SLC30A5: variants seen among roughly 807,000 people sequenced by gnomAD.
SLC30A5 encodes the protein solute carrier family 30 member 5, also known as proton-coupled zinc antiporter SLC30A5.
A neutral mutation model predicts 79.6 loss-of-function variants in SLC30A5; 33 were observed. That is an observed-to-expected ratio of 0.41 (90% confidence interval 0.31 to 0.55). The LOEUF is 0.55. Among genes scored for constraint, SLC30A5 ranks in the 20% least tolerant of loss-of-function variants. The probability of loss-of-function intolerance (pLI) is 0.20; values close to 1 mark genes in which losing one functional copy is unlikely to be tolerated. For missense variants in SLC30A5, 788 were observed against 928.1 expected, an observed-to-expected ratio of 0.85 and a Z score of 1.96; for synonymous variants, 299 against 319.7, an observed-to-expected ratio of 0.94 and a Z score of 0.69.
At chr5:69,107,833 A>T (rs1176743628) in intron 4 of SLC30A5, among the ~76,000 whole-genome samples, 1 of 151,900 alleles carries the variant, frequency 6.6e-6, no homozygotes, top group Non-Finnish European at 1.5e-5. Context: ...CCCGAGTTCA[A>T]GTGATTCTCC....
At position 69,115,952 on chromosome 5, in the gene SLC30A5, C is replaced by T; in HGVS notation, c.810C>T (p.Leu270=). The change falls in exon 9 of 16, where the codon CTC becomes CTT. Residue 270 remains leucine, a synonymous_variant. Transcript: ENST00000396591. The stretch of plus-strand genomic sequence containing the variant: ...GTAAAGTGGAGTCTTGGTTTTCTCT[C>T]ATTATGCCTTTTGCAACGGTTATCT... ...TESKVESWFS[L]IMPFATVIFF... 6.2e-7 allele frequency: 1 copy of T among 1,613,158 alleles called. No homozygotes were observed. The highest frequency in any genetic ancestry group is 8.5e-7 in the Non-Finnish European group (1 of 1,179,588).
rs1386982694 is a variant in SLC30A5, at chr5:69,094,217, C to A, written c.-39C>A. 9.1e-7 allele frequency: 1 copy of A among 1,098,470 alleles called. No homozygotes were observed. Among genetic ancestry groups the A allele is most frequent in the Non-Finnish European group, 1.2e-6 (1 of 848,986 alleles). The allele number at this position is 1,098,470 out of a possible 1,614,324, so 68.0% of individuals were successfully genotyped here. A position where few individuals can be genotyped will look rare whatever the true frequency, so the allele number is the denominator to read the frequency against. On this transcript the variant is annotated 5_prime_UTR_variant, in exon 1 of 16. Transcript: ENST00000396591. ...GGCAGCGGCGAGACATGAGGAGACC[C>A]CGCGACAGGGGCAGCGGCGGCGGCT...
intron 1 of SLC30A5, among the ~76,000 whole-genome samples, chr5:69,095,530 A>C (rs1745703692): frequency 6.6e-6 from 1 of 152,160 alleles, no homozygotes; most frequent in East Asian, 1.9e-4. Flanking sequence ...AAAGGGAAGA[A>C]CACCACATAG....
chr5:69,100,512 T>G (rs1038630832), intron 1 of SLC30A5, among the ~76,000 whole-genome samples: 3 of 151,662 alleles, frequency 2.0e-5, no homozygotes, highest in African/African-American at 7.3e-5. Flanking sequence ...GGCTCACACC[T>G]GTAATCCTAG....
At chr5:69,111,950 T>C (rs530212317) in intron 5 of SLC30A5, among the ~76,000 whole-genome samples, 5 of 152,316 alleles carry the variant, frequency 3.3e-5, no homozygotes, top group Non-Finnish European at 7.4e-5. Flanking sequence ...ATTCTACAAG[T>C]ATATGTATCA....
intron 12 of SLC30A5, 73 bp from the exon 13 acceptor site, chr5:69,121,621 A>G (rs1181884222): frequency 6.7e-6 from 7 of 1,040,204 alleles, no homozygotes; most frequent in Non-Finnish European, 9.7e-6. Context: ...ATATATAGCT[A>G]TATAATAACT....
intron 5 of SLC30A5, among the ~76,000 whole-genome samples, chr5:69,112,367 C>T (rs1265214724): frequency 6.6e-6 from 1 of 151,904 alleles, no homozygotes; most frequent in Non-Finnish European, 1.5e-5. Flanking sequence ...TTTACATAAA[C>T]CGAGCTAATA....
intron 7 of SLC30A5, 70 bp from the exon 8 acceptor site, chr5:69,115,167 A>G: frequency 2.7e-6 from 2 of 743,902 alleles, no homozygotes; most frequent in Non-Finnish European, 4.2e-6. Context: ...AAAAAAAAAG[A>G]TCATGTATTT....
At chr5:69,108,469 G>A in intron 5 of SLC30A5, 33 bp downstream of exon 5, 1 of 1,409,966 alleles carries the variant, frequency 7.1e-7, no homozygotes, top group East Asian at 2.3e-5. Flanking sequence ...ACTTGGAAAT[G>A]GAAAGTATGT....
At chr5:69,110,263 C>A (rs1396648374) in intron 5 of SLC30A5, among the ~76,000 whole-genome samples, 1 of 152,156 alleles carries the variant, frequency 6.6e-6, no homozygotes. Context: ...TTTCTCCCAC[C>A]ACTGTGACTG....
At position 69,127,995 on chromosome 5, in the gene SLC30A5, A is replaced by G; in HGVS notation, c.1999-9A>G. 6.2e-7 allele frequency: 1 copy of G among 1,605,752 alleles called. No homozygotes were observed. Among genetic ancestry groups the G allele is most frequent in the South Asian group, 1.1e-5 (1 of 90,652 alleles). ...TATGACCATTTATATCACCTCTTTT[A>G]TTTGACAGATACAGAAAATTGAAGG... is the stretch of plus-strand genomic sequence containing the variant. On this transcript the variant is annotated splice_polypyrimidine_tract_variant and intron_variant, in intron 14 of 15. Coordinates refer to ENST00000396591, the MANE Select transcript of SLC30A5 (RefSeq NM_022902.5).
At chr5:69,124,169 A>G (rs957409266) in intron 14 of SLC30A5, among the ~76,000 whole-genome samples, 1 of 151,800 alleles carries the variant, frequency 6.6e-6, no homozygotes, top group Non-Finnish European at 1.5e-5. Context: ...AAAGACATAA[A>G]TCAACTTTTA....
Position 69,114,516 on chromosome 5 carries a change from A to G in SLC30A5, c.612+20A>G. The G allele has an allele frequency of 1.4e-6, 2 of 1,416,156 alleles. No individual in the cohort carries two copies. Among genetic ancestry groups the G allele is most frequent in the Non-Finnish European group, 2.0e-6 (2 of 1,003,630 alleles). 87.7% of individuals were successfully genotyped at this position (1,416,156 alleles called of 1,614,324 possible). On this transcript the variant is annotated intron_variant, in intron 7 of 15. Coordinates refer to ENST00000396591, the MANE Select transcript of SLC30A5 (RefSeq NM_022902.5). ...CACAAGGTATGATTTCTTTGTTCCT[A>G]ACAGGATCAAAAGATTCTGAAAAGT...
intron 14 of SLC30A5, 28 bp from the exon 15 acceptor site, chr5:69,127,976 C>T (rs1746747611): frequency 1.9e-6 from 3 of 1,588,794 alleles, no homozygotes; most frequent in Non-Finnish European, 2.6e-6. Context: ...CCTGTATGAC[C>T]ATTTATATCA....
intron 2 of SLC30A5, among the ~76,000 whole-genome samples, chr5:69,101,338 G>A (rs569479013): frequency 7.3e-4 from 110 of 151,416 alleles, no homozygotes; most frequent in Non-Finnish European, 1.5e-3. Flanking sequence ...GTGCAGTGGC[G>A]TGATCTTGGC....
chr5:69,102,047 G>A (rs899792972), intron 2 of SLC30A5, among the ~76,000 whole-genome samples: 2 of 140,342 alleles, frequency 1.4e-5, no homozygotes, highest in African/African-American at 5.2e-5. Context: ...CACCAGTGAC[G>A]TGCTTTTTTT....
chr5:69,116,247 A>G lies in SLC30A5; in HGVS notation c.1072+33A>G. ...TTCCCCCCTTTTTTTTATTTTAACA[A>G]ATTTCTATTTATGGATTTTGATGGT... On this transcript the variant is annotated intron_variant, in intron 9 of 15. Coordinates refer to ENST00000396591, the MANE Select transcript of SLC30A5 (RefSeq NM_022902.5). The surrounding 1 kb of genome is among the most constrained non-coding windows in gnomAD (Gnocchi z 4.0). 6.5e-7 allele frequency: 1 copy of G among 1,541,360 alleles called. No homozygotes were observed. Among genetic ancestry groups the G allele is most frequent in the Non-Finnish European group, 8.7e-7 (1 of 1,147,464 alleles).
chr5:69,119,075 A>G (rs758806456), intron 12 of SLC30A5, among the ~76,000 whole-genome samples: 25 of 152,198 alleles, frequency 1.6e-4, no homozygotes, highest in Non-Finnish European at 1.2e-4. Context: ...TGCTGGGATT[A>G]CAGGCATGAG....
At chr5:69,119,365 C>G (rs1746474451) in intron 12 of SLC30A5, among the ~76,000 whole-genome samples, 1 of 152,122 alleles carries the variant, frequency 6.6e-6, no homozygotes. Flanking sequence ...CTCTTCTCTC[C>G]ACAAAGTTTG....
Sources: allele counts gnomAD v4.1 joint callset (sites outside exome capture counted in the v4.1 genomes callset), GRCh38; gene constraint gnomAD v4.1.1; non-coding constraint Gnocchi (gnomAD v3.1); transcripts MANE v1.5; gene names NCBI Gene and HGNC (gene_info 2026-07-23, HGNC 2026-07-21).